UTP20: variants seen among roughly 807,000 people sequenced by gnomAD.
The protein encoded by UTP20 is small subunit processome component 20 homolog.
UTP20 carries 164 observed loss-of-function variants against 329.5 expected under a neutral mutation model. That is an observed-to-expected ratio of 0.50 (90% CI 0.44 to 0.57). UTP20 has a LOEUF of 0.57. UTP20 is among the 20% of genes least tolerant of loss of function. The pLI, the probability that UTP20 is intolerant of heterozygous loss-of-function variation, is 0.00. For synonymous variants in UTP20, 1,151 were observed against 1,159.3 expected, an observed-to-expected ratio of 0.99 and a Z score of 0.14; for missense variants, 3,055 against 3,284.2, an observed-to-expected ratio of 0.93 and a Z score of 1.71.
At chr12:101,280,349 G>T in intron 1 of UTP20, 22 bp downstream of exon 1, 2 of 1,551,668 alleles carry the variant, frequency 1.3e-6, no homozygotes, top group Non-Finnish European at 1.7e-6. Context: ...AGCTTAGGCA[G>T]GGAGCCGCGG....
rs1275105253 is a variant in UTP20 at position 101,346,607 on chromosome 12, A to G, written c.4884+19A>G. ...GCTCAAGGTAGGTCATTAGATCTAG[A>G]AACCAAGGACCCTCTTCCCATACCA... On this transcript the variant is annotated intron_variant, in intron 38 of 61. Transcript: ENST00000261637. 1.6e-5 allele frequency: 25 copies of G among 1,564,392 alleles called. No homozygotes were observed. Among genetic ancestry groups the G allele is most frequent in the Non-Finnish European group, 2.2e-5 (25 of 1,158,958 alleles).
intron 58 of UTP20, among the ~76,000 whole-genome samples, 173 bp from the exon 59 acceptor site, chr12:101,382,868 A>AAAG (rs1555203600): frequency 6.7e-6 from 1 of 149,866 alleles, no homozygotes. Flanking sequence ...AAAAAAAAAA[A>AAAG]GGAATATCTA....
intron 48 of UTP20, among the ~76,000 whole-genome samples, chr12:101,368,934 A>G (rs143450443): frequency 3.1e-4 from 47 of 152,140 alleles, no homozygotes; most frequent in African/African-American, 1.1e-3. Context: ...CTCAGCAGCC[A>G]GAGCAGCACG....
Position 101,373,448 on chromosome 12 carries a change from A to C in UTP20, c.6926A>C (p.Tyr2309Ser), listed in dbSNP as rs139095183. The C allele has an allele frequency of 3.7e-6, 6 of 1,614,194 alleles. No homozygotes were observed. The highest frequency in any genetic ancestry group is 5.1e-6 in the Non-Finnish European group (6 of 1,180,020). ...GAGTCCACCTTGGAAATGATCGCCT[A>C]TCTCTTTGACACGTTCCCTCAGGTA... ...GRESTLEMIAYLFDTFPQGLL... is the reference protein window; with the variant it reads ...GRESTLEMIASLFDTFPQGLL... The change falls in exon 53 of 62, where the codon TAT becomes TCT. Residue 2309 changes from tyrosine to serine, a missense_variant. Around this residue, in one of 3 missense-constraint regions of UTP20, gnomAD observed 273 missense variants for 363.1 expected, o/e 0.75. Transcript: ENST00000261637.
At chr12:101,286,299 G>T (rs763968387) in intron 4 of UTP20, 22 bp from the exon 5 acceptor site, 3 of 1,545,988 alleles carry the variant, frequency 1.9e-6, no homozygotes, top group Admixed American at 4.0e-5. Context: ...CACATGATCA[G>T]TTGCTTCTTT....
At chr12:101,339,656 G>GT (rs1869055326) in intron 31 of UTP20, among the ~76,000 whole-genome samples, 1 of 152,078 alleles carries the variant, frequency 6.6e-6, no homozygotes. Context: ...AGATTGTTCG[G>GT]TTTTTTTGAG....
chr12:101,357,398 T>G (rs1297155445), intron 43 of UTP20, among the ~76,000 whole-genome samples: 2 of 152,170 alleles, frequency 1.3e-5, no homozygotes, highest in Non-Finnish European at 2.9e-5. Context: ...CTATTATCAC[T>G]GGTGTGAATG....
Position 101,299,872 on chromosome 12 carries a change from A to T in UTP20, c.1586+35A>T, listed in dbSNP as rs572318602. 144 of 1,603,938 alleles carry T rather than the reference A, an allele frequency of 9.0e-5. 1 individual carries two copies. The highest frequency in any genetic ancestry group is 1.1e-4 in the Non-Finnish European group (131 of 1,175,986). On this transcript the variant is annotated intron_variant, in intron 13 of 61. Transcript: ENST00000261637. The stretch of plus-strand genomic sequence containing the variant: ...TAAGCTATGTTTAATTTTGAAAGAG[A>T]TAACATGCTGATTAAAATATGTTAG...
chr12:101,354,730 A>G lies in UTP20; in HGVS notation c.5108-102A>G, dbSNP rs1343115721. 3 of 1,294,356 alleles carry G rather than the reference A, an allele frequency of 2.3e-6. No homozygotes were observed. In the African/African-American group the frequency reaches 4.4e-5, roughly 19 times the overall value. 80.2% of individuals were successfully genotyped at this position (1,294,356 alleles called of 1,614,324 possible). Reference sequence around the variant, plus strand: ...GCCTGCCCACAGTTGCTGATTAGATATTTTTTATCGGAAGTTGGACGTTGG... The same window carrying G: ...GCCTGCCCACAGTTGCTGATTAGATGTTTTTTATCGGAAGTTGGACGTTGG... On this transcript the variant is annotated intron_variant, in intron 40 of 61. Transcript: ENST00000261637.
intron 58 of UTP20, among the ~76,000 whole-genome samples, chr12:101,381,876 G>A (rs1360046948): frequency 6.6e-6 from 1 of 151,964 alleles, no homozygotes; most frequent in Non-Finnish European, 1.5e-5. Context: ...AAAATTAGCT[G>A]GGCATGGTGG....
intron 55 of UTP20, 147 bp downstream of exon 55, chr12:101,375,086 TCAAA>T (rs748506362): frequency 4.8e-5 from 30 of 622,928 alleles, no homozygotes; most frequent in South Asian, 3.3e-4. Flanking sequence ...ATATTTGTGT[TCAAA>T]CAGTGTCCTT....
intron 17 of UTP20, among the ~76,000 whole-genome samples, chr12:101,307,047 G>A (rs1031844748): frequency 9.9e-5 from 15 of 151,732 alleles, no homozygotes; most frequent in East Asian, 2.0e-4. Context: ...GCGTGGTGGC[G>A]GGCACCTGTA....
Position 101,285,871 on chromosome 12 carries a change from C to A in UTP20, c.316C>A (p.Pro106Thr). 6.2e-7 allele frequency: 1 copy of A among 1,613,598 alleles called. No homozygotes were observed. Among genetic ancestry groups the A allele is most frequent in the African/African-American group, 1.3e-5 (1 of 75,012 alleles). Residue 106 changes from proline to threonine, a missense_variant, in exon 4 of 62, where the codon CCC becomes ACC. Pro to Thr is a conservative substitution (Grantham distance 38). Transcript: ENST00000261637. The part of the protein sequence containing the change: ...LQVKNSFAYQ[P>T]LLDLVVQLAR... ...AGTTAAGAACAGTTTTGCCTATCAA[C>A]CCCTTTTGGAGTAAGTAGCATCTTG...
At chr12:101,371,890 G>T (rs189035519) in intron 51 of UTP20, among the ~76,000 whole-genome samples, 256 of 152,280 alleles carry the variant, frequency 1.7e-3, no homozygotes, top group African/African-American at 5.6e-3. Flanking sequence ...GGAGTGACAG[G>T]ATCAGGTTTA....
chr12:101,363,837 G>T, intron 45 of UTP20, 94 bp downstream of exon 45: 2 of 803,030 alleles, frequency 2.5e-6, no homozygotes, highest in Non-Finnish European at 2.0e-6. Context: ...CACTGTTCTT[G>T]ATCACCCATG....
At chr12:101,311,236 T>C (rs1872779410) in intron 19 of UTP20, among the ~76,000 whole-genome samples, 1 of 151,570 alleles carries the variant, frequency 6.6e-6, no homozygotes, top group Admixed American at 6.6e-5. Flanking sequence ...ATAAGCACTT[T>C]ATGTGATCCA....
intron 21 of UTP20, among the ~76,000 whole-genome samples, chr12:101,314,454 C>T (rs556433677): frequency 2.3e-4 from 35 of 151,830 alleles, no homozygotes; most frequent in African/African-American, 7.7e-4. Flanking sequence ...GTCAGGAGAT[C>T]GAGACCATCC....
At position 101,342,539 on chromosome 12, in the gene UTP20, TCA is replaced by T; in HGVS notation, c.4196_4197del (p.Ser1399CysfsTer3). The T allele has an allele frequency of 6.2e-7, 1 of 1,613,838 alleles. No homozygotes were observed. Among genetic ancestry groups the T allele is most frequent in the East Asian group, 2.2e-5 (1 of 44,862 alleles). On this transcript the variant is annotated frameshift_variant, in exon 33 of 62. Transcript: ENST00000261637. LOFTEE classifies it high-confidence loss of function. ...SFLKPIAKLF[S>X]VIKNKLSRKL... Reference sequence around the variant, plus strand: ...CCTCAAGCCTATAGCAAAACTTTTCTCAGTTATTAAGAACAAATTGTCAAGAA... The same window carrying T: ...CCTCAAGCCTATAGCAAAACTTTTCTGTTATTAAGAACAAATTGTCAAGAA...
At chr12:101,331,657 CATG>C (rs1868765505) in intron 27 of UTP20, among the ~76,000 whole-genome samples, 2 of 152,154 alleles carry the variant, frequency 1.3e-5, no homozygotes. Flanking sequence ...ATCAGATTTT[CATG>C]ATAAGTAATT....
Sources: allele counts gnomAD v4.1 joint callset (sites outside exome capture counted in the v4.1 genomes callset), GRCh38; gene constraint gnomAD v4.1.1; regional missense constraint gnomAD v4.1.1; transcripts MANE v1.5; gene names NCBI Gene and HGNC (gene_info 2026-07-23, HGNC 2026-07-21).